STRN3: variants seen among roughly 807,000 people sequenced by gnomAD.
STRN3 encodes striatin-3.
STRN3 carries 29 observed loss-of-function variants against 95.6 expected under a neutral mutation model. The observed-to-expected ratio is 0.30, with a 90% CI of 0.23 to 0.41. The LOEUF (loss-of-function observed/expected upper bound fraction) is 0.41, where lower values mean the gene tolerates loss of function less well. Ranked by LOEUF, STRN3 falls within the 10% of genes least tolerant of loss-of-function variation. The pLI, the probability that STRN3 is intolerant of heterozygous loss-of-function variation, is 1.00. For synonymous variants in STRN3, 331 were observed against 357.6 expected (o/e 0.93, Z 0.84); for missense variants, 890 against 972.1 (o/e 0.92, Z 1.12).
Position 30,895,514 on chromosome 14 carries a change from T to A in STRN3, c.2291A>T (p.His764Leu). 1 of 1,613,812 alleles carries A rather than the reference T, an allele frequency of 6.2e-7. No homozygotes were observed. Among genetic ancestry groups the A allele is most frequent in the Non-Finnish European group, 8.5e-7 (1 of 1,179,684 alleles). ...SKTCVQEITA[H>L]RKKLDESIYD... ...AATTGATTCATCCAATTTCTTTCTG[T>A]GAGCTGTTATTTCTTGCACACATGT... The change falls in exon 18 of 18, where the codon CAC becomes CTC. Residue 764 changes from histidine to leucine, a missense_variant. By Grantham distance (99) the His-to-Leu change is moderately conservative (BLOSUM62 -3). Around this residue, in one of 3 missense-constraint regions of STRN3, gnomAD observed 357 missense variants for 422.8 expected, o/e 0.84. Coordinates refer to ENST00000357479, the MANE Select transcript of STRN3 (RefSeq NM_001083893.2).
At chr14:31,020,153 T>G (rs1883436547) in intron 1 of STRN3, among the ~76,000 whole-genome samples, 1 of 152,182 alleles carries the variant, frequency 6.6e-6, no homozygotes, top group African/African-American at 2.4e-5. Context: ...ATTTAGGAAC[T>G]TTATGAGAAT....
chr14:30,911,295 CTTTTTTTTTT>C (rs11297035), intron 12 of STRN3, 133 bp from the exon 13 acceptor site: 68 of 453,312 alleles, frequency 1.5e-4, no homozygotes, highest in Non-Finnish European at 2.2e-4. Flanking sequence ...CTGACTGGTA[CTTTTTTTTTT>C]TTTTTTTTTT....
intron 1 of STRN3, among the ~76,000 whole-genome samples, chr14:30,971,004 C>T (rs1880800159): frequency 6.6e-6 from 1 of 152,254 alleles, no homozygotes; most frequent in African/African-American, 2.4e-5. Flanking sequence ...CAAAATCCGG[C>T]ACCCTGCGGG....
chr14:30,929,094 C>T (rs1878343465), intron 8 of STRN3, 107 bp downstream of exon 8: 7 of 812,394 alleles, frequency 8.6e-6, no homozygotes, highest in South Asian at 6.4e-5. Flanking sequence ...AAGTTAGTTG[C>T]CCCCTTTATG....
rs1199257740 is a variant in STRN3 at position 30,894,296 on chromosome 14, TA to T, written c.*1114del. On this transcript the variant is annotated 3_prime_UTR_variant, in exon 18 of 18. Transcript: ENST00000357479. ...TCATGGTAAACCAAGATATATATCT[TA>T]GGGGGAACCACCTTGGTTTGTAATT... 1 of 152,406 alleles carries T rather than the reference TA, an allele frequency of 6.6e-6. No individual in the cohort carries two copies. The highest frequency in any genetic ancestry group is 1.5e-5 in the Non-Finnish European group (1 of 68,004). The allele number at this position is 152,406 out of a possible 1,614,324, so 9.4% of individuals were successfully genotyped here.
intron 1 of STRN3, among the ~76,000 whole-genome samples, chr14:30,960,355 G>A (rs542613133): frequency 1.3e-5 from 2 of 152,180 alleles, no homozygotes; most frequent in Middle Eastern, 3.4e-3. Flanking sequence ...TGAGGTGATA[G>A]AATTTGCTCT....
At chr14:30,934,747 TTAC>T (rs1878732226) in intron 7 of STRN3, among the ~76,000 whole-genome samples, 4 of 152,126 alleles carry the variant, frequency 2.6e-5, no homozygotes, top group Non-Finnish European at 4.4e-5. Context: ...TACTGACTAA[TTAC>T]TAATTCTAGT....
At chr14:30,963,229 A>G (rs1373879088) in intron 1 of STRN3, among the ~76,000 whole-genome samples, 1 of 152,154 alleles carries the variant, frequency 6.6e-6, no homozygotes, top group African/African-American at 2.4e-5. Flanking sequence ...ACTCTAAATA[A>G]TGGATAGAAC....
chr14:30,893,891 C>T lies in STRN3; in HGVS notation c.*1520G>A, dbSNP rs557613859. On this transcript the variant is annotated 3_prime_UTR_variant, in exon 18 of 18. Coordinates refer to ENST00000357479, the MANE Select transcript of STRN3 (RefSeq NM_001083893.2). The stretch of plus-strand genomic sequence containing the variant: ...TGTAGCCAACAGTAACATACAGGTA[C>T]ACAATTTAATATTTATTATATGCAT... The T allele has an allele frequency of 4.6e-5, 7 of 152,588 alleles. No individual in the cohort carries two copies. Among genetic ancestry groups the T allele is most frequent in the Admixed American group, 1.3e-4 (2 of 15,294 alleles). 9.5% of individuals were successfully genotyped at this position (152,588 alleles called of 1,614,324 possible). A position where few individuals can be genotyped will look rare whatever the true frequency, so the allele number is the denominator to read the frequency against.
chr14:30,999,947 A>G (rs1882369311), intron 1 of STRN3, among the ~76,000 whole-genome samples: 1 of 152,230 alleles, frequency 6.6e-6, no homozygotes, highest in African/African-American at 2.4e-5. Context: ...ATCCTCCCAA[A>G]GCAGCTGACT....
rs773878137 is a variant in STRN3 at position 30,902,651 on chromosome 14, AT to A, written c.2030-9del. 1 of 1,529,766 alleles carries A rather than the reference AT, an allele frequency of 6.5e-7. No individual in the cohort carries two copies. The highest frequency in any genetic ancestry group is 8.9e-7 in the Non-Finnish European group (1 of 1,120,822). The allele number at this position is 1,529,766 out of a possible 1,614,324, so 94.8% of individuals were successfully genotyped here. On this transcript the variant is annotated splice_polypyrimidine_tract_variant and intron_variant, in intron 15 of 17. Coordinates refer to ENST00000357479, the MANE Select transcript of STRN3 (RefSeq NM_001083893.2). ...GATTATTAGATTGTAAACCTGAAAA[AT>A]AAAGGAAGACAATAAGTTAAAATTC...
intron 1 of STRN3, among the ~76,000 whole-genome samples, chr14:30,976,405 T>C (rs1881106223): frequency 6.6e-6 from 1 of 152,048 alleles, no homozygotes; most frequent in African/African-American, 2.4e-5. Flanking sequence ...AATTGAGAAA[T>C]ACATGAATCC....
chr14:30,987,078 C>T (rs956168363), intron 1 of STRN3, among the ~76,000 whole-genome samples: 1 of 152,236 alleles, frequency 6.6e-6, no homozygotes, highest in African/African-American at 2.4e-5. Context: ...TACAAGAAGG[C>T]ATACAGTCCT....
chr14:30,947,309 G>T, intron 4 of STRN3, 46 bp from the exon 5 acceptor site: 1 of 1,429,914 alleles, frequency 7.0e-7, no homozygotes, highest in East Asian at 2.5e-5. Context: ...GTTAACATGT[G>T]CCAGACTCAA....
intron 8 of STRN3, among the ~76,000 whole-genome samples, chr14:30,926,242 T>C (rs1273399136): frequency 6.6e-6 from 1 of 152,074 alleles, no homozygotes; most frequent in African/African-American, 2.4e-5. Flanking sequence ...CTTACATTAG[T>C]AGCCTCAAAG....
chr14:30,938,187 A>G (rs571154208), intron 5 of STRN3, among the ~76,000 whole-genome samples: 160 of 152,248 alleles, frequency 1.1e-3, no homozygotes, highest in Middle Eastern at 6.8e-3. Flanking sequence ...TAGCATTAAC[A>G]AAGAGTTTTA....
chr14:30,965,034 C>A (rs1185557211), intron 1 of STRN3, among the ~76,000 whole-genome samples: 1 of 152,074 alleles, frequency 6.6e-6, no homozygotes, highest in Non-Finnish European at 1.5e-5. Flanking sequence ...AGTGTTCACA[C>A]AGAAAACATG....
At chr14:30,906,651 T>C (rs572054942) in intron 14 of STRN3, among the ~76,000 whole-genome samples, 3 of 152,286 alleles carry the variant, frequency 2.0e-5, no homozygotes, top group South Asian at 4.1e-4. Context: ...ACAATAGTTT[T>C]ACATTTTTAA....
intron 13 of STRN3, 34 bp downstream of exon 13, chr14:30,911,007 C>T: frequency 6.5e-7 from 1 of 1,537,822 alleles, no homozygotes; most frequent in Admixed American, 1.9e-5. Context: ...GCTCCATTCA[C>T]TTAAAAAAAA....
Sources: gnomAD v4.1 joint callset for allele counts (sites outside exome capture counted in the v4.1 genomes callset) on GRCh38, gnomAD v4.1.1 for gene constraint, gnomAD v4.1.1 regional missense constraint, MANE v1.5 for transcripts, NCBI Gene and HGNC (gene_info 2026-07-23, HGNC 2026-07-21) for gene names.